The following KMT2D variants were observed in gnomAD, a reference collection of about 807,000 sequenced individuals.
KMT2D encodes the protein lysine methyltransferase 2D.
In KMT2D, 55 loss-of-function variants were observed where a neutral mutation model predicts 512.7. That is an observed-to-expected ratio of 0.11 (90% CI 0.09 to 0.13). The LOEUF is 0.13. Ranked by LOEUF, KMT2D falls within the 10% of genes least tolerant of loss-of-function variation. The pLI, the probability that KMT2D is intolerant of heterozygous loss-of-function variation, is 1.00. For missense variants in KMT2D, 6,061 were observed against 7,127.9 expected, an observed-to-expected ratio of 0.85 and a Z score of 5.39; for synonymous variants, 2,995 against 2,904.0, an observed-to-expected ratio of 1.03 and a Z score of -1.01.
Position 49,050,802 on chromosome 12 carries a change from G to T in KMT2D, c.2798-12C>A, listed in dbSNP as rs760822152. 15 of 1,587,110 alleles carry T rather than the reference G, an allele frequency of 9.5e-6. No homozygotes were observed. Among genetic ancestry groups the T allele is most frequent in the Non-Finnish European group, 1.2e-5 (14 of 1,164,558 alleles). Reference sequence around the variant, plus strand: ...AGGAGGAAGGGGATCTGGAAGGAAAGAGAAAAAAGAAGGGCTCTTAGATTA... The same window carrying T: ...AGGAGGAAGGGGATCTGGAAGGAAATAGAAAAAAGAAGGGCTCTTAGATTA... On this transcript the variant is annotated splice_polypyrimidine_tract_variant and intron_variant, in intron 11 of 54. Transcript: ENST00000301067.
In KMT2D at chr12:49,028,151, C is replaced by A. The variant is rs1296835344; in HGVS notation, c.14383-10G>T. ...TCACGCCATTCAGGTTCTGCCAGGGCCAGGGAAGGGATGGAAGAAACATAT... is the reference window on the plus strand; with the variant it reads ...TCACGCCATTCAGGTTCTGCCAGGGACAGGGAAGGGATGGAAGAAACATAT... On this transcript the variant is annotated splice_polypyrimidine_tract_variant and intron_variant, in intron 46 of 54. Transcript: ENST00000301067. 2 of 1,613,824 alleles carry A rather than the reference C, an allele frequency of 1.2e-6. No individual in the cohort carries two copies. Among genetic ancestry groups the A allele is most frequent in the Non-Finnish European group, 1.7e-6 (2 of 1,179,828 alleles).
At position 49,031,773 on chromosome 12, in the gene KMT2D, G is replaced by A. The variant is rs1377184191; in HGVS notation, c.12932C>T (p.Pro4311Leu). ...VLGPVHPTPPPSSPQEPKRPS... is the reference protein window; with the variant it reads ...VLGPVHPTPPLSSPQEPKRPS... ...TCTCTTTGGCTCTTGAGGGCTGGAT[G>A]GTGGAGGTGTGGGATGGACAGGGCC... is the stretch of plus-strand genomic sequence containing the variant. The change falls in exon 40 of 55, where the codon CCA becomes CTA. Residue 4311 changes from proline (P) to leucine (L), a missense_variant. Pro to Leu is a moderately conservative substitution (Grantham distance 98). Around this residue, in one of 16 missense-constraint regions of KMT2D, gnomAD observed 1,600 missense variants for 1,754.9 expected, o/e 0.91. Coordinates refer to ENST00000301067, the MANE Select transcript of KMT2D (RefSeq NM_003482.4). 1 of 1,611,584 alleles carries A rather than the reference G, an allele frequency of 6.2e-7. No homozygotes were observed.
chr12:49,033,607 A>G lies in KMT2D; in HGVS notation c.11098T>C (p.Phe3700Leu). The G allele has an allele frequency of 6.8e-6, 11 of 1,613,586 alleles. No individual in the cohort carries two copies. Among genetic ancestry groups the G allele is most frequent in the Non-Finnish European group, 9.3e-6 (11 of 1,179,852 alleles). Reference protein sequence around the residue: ...GSLAGPSGGFFPGNLALRSLG... With the variant: ...GSLAGPSGGFLPGNLALRSLG... ...CTTCGAAGAGCAAGGTTGCCAGGGA[A>G]GAAGCCCCCTGAAGGGCCAGCCAGG... is the stretch of plus-strand genomic sequence containing the variant. Residue 3700 changes from phenylalanine to leucine, a missense_variant, in exon 40 of 55, where the codon TTC becomes CTC. Phe to Leu is a conservative substitution (Grantham distance 22). Coordinates refer to ENST00000301067, the MANE Select transcript of KMT2D (RefSeq NM_003482.4).
rs769445505 is a variant in KMT2D, at chr12:49,050,736, AGGGCCGGTG to A, written c.2843_2851del (p.Pro948_Ala950del). 6.2e-7 allele frequency: 1 copy of A among 1,613,260 alleles called. No individual in the cohort carries two copies. ...GTACTCTAACTCCCCCAAAGGAGAC[AGGGCCGGTG>A]GGGCCGCAGCTGTGATGATGGGTGA... On this transcript the variant is annotated inframe_deletion, in exon 12 of 55. Transcript: ENST00000301067.
chr12:49,022,433 T>A lies in KMT2D; in HGVS notation c.16339-80A>T. 6.6e-6 allele frequency: 10 copies of A among 1,510,196 alleles called. No homozygotes were observed. The highest frequency in any genetic ancestry group is 9.1e-6 in the Non-Finnish European group (10 of 1,097,974). 93.5% of individuals were successfully genotyped at this position (1,510,196 alleles called of 1,614,324 possible). A position where few individuals can be genotyped will look rare whatever the true frequency, so the allele number is the denominator to read the frequency against. ...GTGGCTGTGGGATCAGGTAGGAGAC[T>A]CAGGCAGTGGGGGCTTTTGTTGCAT... On this transcript the variant is annotated intron_variant, in intron 52 of 54. Coordinates refer to ENST00000301067, the MANE Select transcript of KMT2D (RefSeq NM_003482.4). This position sits in a 1 kb window ranked among gnomAD's most constrained non-coding sequence, Gnocchi z 8.6.
Position 49,048,744 on chromosome 12 carries a change from C to A in KMT2D, c.4046G>T (p.Ser1349Ile). 1 of 1,610,340 alleles carries A rather than the reference C, an allele frequency of 6.2e-7. No homozygotes were observed. The highest frequency in any genetic ancestry group is 8.5e-7 in the Non-Finnish European group (1 of 1,177,486). Reference protein sequence around the residue: ...LVVADIDSSPSKEEEEEDDDT... With the variant: ...LVVADIDSSPIKEEEEEDDDT... ...ATCATCTTCTTCCTCCTCCTCCTTACTGGGAGAGCTATCAATGTCAGCAAC... is the reference window on the plus strand; with the variant it reads ...ATCATCTTCTTCCTCCTCCTCCTTAATGGGAGAGCTATCAATGTCAGCAAC... Residue 1349 changes from serine to isoleucine, a missense_variant, in exon 14 of 55, where the codon AGT (serine) becomes ATT (isoleucine). Ser to Ile is a moderately radical substitution (Grantham distance 142). Around this residue, in one of 16 missense-constraint regions of KMT2D, gnomAD observed 447 missense variants for 500.1 expected, o/e 0.89. Coordinates refer to ENST00000301067, the MANE Select transcript of KMT2D (RefSeq NM_003482.4).
rs746536071 is a variant in KMT2D at position 49,030,443 on chromosome 12, AG to A, written c.13840-5del. ...TCGGCGGGTTACTCAGGTTATTCTG[AG>A]GGGTGGGGGGTGGGGTGTTGTGTGC... On this transcript the variant is annotated splice_polypyrimidine_tract_variant and splice_region_variant and intron_variant, in intron 42 of 54. Transcript: ENST00000301067. 2.2e-6 allele frequency: 1 copy of A among 451,614 alleles called. No homozygotes were observed. Among genetic ancestry groups the A allele is most frequent in the Non-Finnish European group, 3.1e-6 (1 of 326,336 alleles). 28.0% of individuals were successfully genotyped at this position (451,614 alleles called of 1,614,324 possible). A position where few individuals can be genotyped will look rare whatever the true frequency, so the allele number is the denominator to read the frequency against.
chr12:49,046,392 G>T lies in KMT2D; in HGVS notation c.4451C>A (p.Ser1484Tyr). The T allele has an allele frequency of 6.2e-7, 1 of 1,613,970 alleles. No individual in the cohort carries two copies. ...CVSCMQCGAA[S>Y]PGFHCEWQNS... ...CTGCCATTCACAGTGGAAGCCAGGG[G>T]AAGCAGCCCCACACTGCATACAGGA... The change falls in exon 17 of 55, where the codon TCC becomes TAC. Residue 1484 changes from serine to tyrosine, a missense_variant. Physicochemically the swap from Ser to Tyr is moderately radical, Grantham distance 144 (BLOSUM62 -2). This residue lies in a region of KMT2D where 640 missense variants were observed against 814.3 expected (regional missense o/e 0.79). Transcript: ENST00000301067. This position sits in a 1 kb window ranked among gnomAD's most constrained non-coding sequence, Gnocchi z 4.2.
At chr12:49,053,854 T>C in intron 6 of KMT2D, 124 bp downstream of exon 6, 1 of 1,187,336 alleles carries the variant, frequency 8.4e-7, no homozygotes, top group Non-Finnish European at 1.2e-6. Context: ...AGTTCACACC[T>C]ATTTTAGTGG....
intron 49 of KMT2D, among the ~76,000 whole-genome samples, chr12:49,025,325 A>G (rs1942520002): frequency 6.6e-6 from 1 of 152,220 alleles, no homozygotes; most frequent in Admixed American, 6.5e-5. Flanking sequence ...ATTTCATTCA[A>G]TGAGGAATCA....
Position 49,034,096 on chromosome 12 carries a change from G to C in KMT2D, c.10711C>G (p.Gln3571Glu). 6.2e-7 allele frequency: 1 copy of C among 1,612,700 alleles called. No homozygotes were observed. The highest frequency in any genetic ancestry group is 8.5e-7 in the Non-Finnish European group (1 of 1,179,878). ...TCCAGTTGTTTCTGGATCTTGCTCTGCTGCTCTGTAACCAGCTTGAGCTTC... is the reference window on the plus strand; with the variant it reads ...TCCAGTTGTTTCTGGATCTTGCTCTCCTGCTCTGTAACCAGCTTGAGCTTC... ...AEKLKLVTEQ[Q>E]SKIQKQLDQV... is the part of the protein sequence containing the mutation. Residue 3571 changes from glutamine to glutamate, a missense_variant, in exon 39 of 55, where the codon CAG (glutamine) becomes GAG (glutamate). This residue lies in a region of KMT2D where 50 missense variants were observed against 119.9 expected (regional missense o/e 0.42). Coordinates refer to ENST00000301067, the MANE Select transcript of KMT2D (RefSeq NM_003482.4).
At chr12:49,037,100 T>A in intron 35 of KMT2D, 25 bp downstream of exon 35, 3 of 1,538,836 alleles carry the variant, frequency 1.9e-6, no homozygotes, top group Non-Finnish European at 2.6e-6. Flanking sequence ...CTGAGTAACT[T>A]GGCTATGTTA....
At position 49,032,041 on chromosome 12, in the gene KMT2D, G is replaced by C. The variant is rs375330730; in HGVS notation, c.12664C>G (p.Leu4222Val). The C allele has an allele frequency of 3.5e-5, 57 of 1,608,992 alleles. No homozygotes were observed. Among genetic ancestry groups the C allele is most frequent in the Non-Finnish European group, 4.7e-5 (55 of 1,177,060 alleles). The change falls in exon 40 of 55, where the codon CTA becomes GTA. Residue 4222 changes from leucine to valine, a missense_variant. Physicochemically the swap from Leu to Val is conservative, Grantham distance 32 (BLOSUM62 1). This residue lies in a region of KMT2D where 1,600 missense variants were observed against 1,754.9 expected (regional missense o/e 0.91). Transcript: ENST00000301067. ...RHLSPQQQQQ[L>V]QALLMQRQLQ... Reference sequence around the variant, plus strand: ...TGCCGCTGCATGAGGAGTGCCTGTAGCTGCTGCTGCTGCTGAGGACTTAAG... The same window carrying C: ...TGCCGCTGCATGAGGAGTGCCTGTACCTGCTGCTGCTGCTGAGGACTTAAG...
At position 49,037,647 on chromosome 12, in the gene KMT2D, C is replaced by T. The variant is rs886049479; in HGVS notation, c.9709G>A (p.Glu3237Lys). The T allele has an allele frequency of 1.0e-5, 16 of 1,575,226 alleles. No individual in the cohort carries two copies. The Admixed American group carries it at 2.2e-4, about 22-fold the overall frequency. The stretch of plus-strand genomic sequence containing the variant: ...AACTCGCTGGCTACCAGTGAGCTCT[C>T]CATCTTGTCTAGCTCATCCCCAGAT... ...AASGDELDKMESSLVASELPL... is the reference protein window; with the variant it reads ...AASGDELDKMKSSLVASELPL... Residue 3237 changes from glutamate to lysine, a missense_variant, in exon 35 of 55, where the codon GAG becomes AAG. Physicochemically the swap from Glu to Lys is moderately conservative, Grantham distance 56. Transcript: ENST00000301067.
Position 49,051,658 on chromosome 12 carries a change from A to C in KMT2D, c.2025T>G (p.Pro675=), listed in dbSNP as rs766604361. The C allele has an allele frequency of 9.6e-6, 15 of 1,565,950 alleles. No individual in the cohort carries two copies. The East Asian group carries it at 3.2e-4, about 33-fold the overall frequency. ...GTGGAGGGGACGTGGGAGACTCCTC[A>C]GGCGGTGGGGACAAGGGAGATTCCT... ...PPEESPLSPP[P]EESPTSPPPE... Residue 675 remains proline, a synonymous_variant, in exon 11 of 55, where the codon CCT becomes CCG. Coordinates refer to ENST00000301067, the MANE Select transcript of KMT2D (RefSeq NM_003482.4).
chr12:49,032,792 T>TTGCTGCTGCTGTTGAAAC lies in KMT2D; in HGVS notation c.11895_11912dup (p.Phe3966_Gln3971dup). On this transcript the variant is annotated inframe_insertion, in exon 40 of 55. Transcript: ENST00000301067. ...GGTTTAAAAGGCCCATCTGCTGCTG[T>TTGCTGCTGCTGTTGAAAC]TGCTGCTGCTGTTGAAACTGCTGCT... The TTGCTGCTGCTGTTGAAAC allele has an allele frequency of 6.4e-7, 1 of 1,553,638 alleles. No individual in the cohort carries two copies.
chr12:49,041,803 C>T lies in KMT2D; in HGVS notation c.6184-98G>A, dbSNP rs972873566. The T allele has an allele frequency of 6.6e-7, 1 of 1,514,988 alleles. No homozygotes were observed. The highest frequency in any genetic ancestry group is 1.4e-5 in the African/African-American group (1 of 72,448). The allele number at this position is 1,514,988 out of a possible 1,614,324, so 93.8% of individuals were successfully genotyped here. On this transcript the variant is annotated intron_variant, in intron 30 of 54. Coordinates refer to ENST00000301067, the MANE Select transcript of KMT2D (RefSeq NM_003482.4). The surrounding 1 kb of genome is among the most constrained non-coding windows in gnomAD (Gnocchi z 5.4). Reference sequence around the variant, plus strand: ...CACACTCCCTACCCAGAAGCAGATCCCTTCTGGCCCAGCTGCTTTAGGAGT... The same window carrying T: ...CACACTCCCTACCCAGAAGCAGATCTCTTCTGGCCCAGCTGCTTTAGGAGT...
chr12:49,051,365 T>G lies in KMT2D; in HGVS notation c.2318A>C (p.Gln773Pro). 1 of 1,595,204 alleles carries G rather than the reference T, an allele frequency of 6.3e-7. No individual in the cohort carries two copies. The highest frequency in any genetic ancestry group is 8.5e-7 in the Non-Finnish European group (1 of 1,172,306). Reference protein sequence around the residue: ...PQAEEPHLSPQPEEPCLCAVP... With the variant: ...PQAEEPHLSPPPEEPCLCAVP... The stretch of plus-strand genomic sequence containing the variant: ...AGCGCATAGGCATGGCTCCTCAGGC[T>G]GGGGGGACAGGTGTGGCTCCTCAGC... The change falls in exon 11 of 55, where the codon CAG becomes CCG. Residue 773 changes from glutamine (Q) to proline (P), a missense_variant. This residue lies in a region of KMT2D where 848 missense variants were observed against 838.5 expected (regional missense o/e 1.01). Coordinates refer to ENST00000301067, the MANE Select transcript of KMT2D (RefSeq NM_003482.4).
chr12:49,027,976 T>G (rs1195809190), intron 47 of KMT2D, 33 bp downstream of exon 47: 1 of 1,613,182 alleles, frequency 6.2e-7, no homozygotes, highest in Non-Finnish European at 8.5e-7. Context: ...ATCACTCCCC[T>G]CAAGTCCCAA....
Sources: gnomAD v4.1 joint callset for allele counts (sites outside exome capture counted in the v4.1 genomes callset) on GRCh38, gnomAD v4.1.1 for gene constraint, gnomAD v4.1.1 regional missense constraint, Gnocchi (gnomAD v3.1) non-coding constraint, MANE v1.5 for transcripts, NCBI Gene and HGNC (gene_info 2026-07-23, HGNC 2026-07-21) for gene names.